TMED10: variants seen among roughly 807,000 people sequenced by gnomAD.
TMED10 encodes transmembrane emp24 domain-containing protein 10.
TMED10 carries 7 observed loss-of-function variants against 23.1 expected under a neutral mutation model. That is an observed-to-expected ratio of 0.30 (90% CI 0.17 to 0.57). The LOEUF (loss-of-function observed/expected upper bound fraction) is 0.57, where lower values mean the gene tolerates loss of function less well. TMED10 is among the 20% of genes least tolerant of loss of function. The probability of loss-of-function intolerance (pLI) is 0.91; values close to 1 mark genes in which losing one functional copy is unlikely to be tolerated. For synonymous variants in TMED10, 113 were observed against 106.9 expected (o/e 1.06, Z -0.35); for missense variants, 162 against 274.8 (o/e 0.59, Z 2.90).
chr14:75,137,202 G>A (rs998843945), intron 3 of TMED10, among the ~76,000 whole-genome samples: 3 of 150,730 alleles, frequency 2.0e-5, no homozygotes, highest in Non-Finnish European at 4.4e-5. Flanking sequence ...AGTCGAGATG[G>A]GGTTTCACCA....
At chr14:75,168,405 C>T (rs1273062587) in intron 1 of TMED10, among the ~76,000 whole-genome samples, 1 of 152,182 alleles carries the variant, frequency 6.6e-6, no homozygotes, top group Non-Finnish European at 1.5e-5. Context: ...TAATTCCTCT[C>T]ATTAAAATAC....
At chr14:75,149,005 C>T (rs1238045365) in intron 2 of TMED10, among the ~76,000 whole-genome samples, 1 of 152,238 alleles carries the variant, frequency 6.6e-6, no homozygotes, top group Non-Finnish European at 1.5e-5. Context: ...TAGCCTCGAA[C>T]TCCTGGGCTC....
chr14:75,156,108 G>A lies in TMED10; in HGVS notation c.226-3965C>T, dbSNP rs375365328. The stretch of plus-strand genomic sequence containing the variant: ...TAAGGAATTTGAAACAGAATGATGT[G>A]AGTCAATGACAATTCAGAAAGATGA... On this transcript the variant is annotated intron_variant, in intron 1 of 4. Coordinates refer to ENST00000303575, the MANE Select transcript of TMED10 (RefSeq NM_006827.6). Among the ~76,000 whole-genome samples, 4 of 152,158 alleles carry A rather than the reference G, an allele frequency of 2.6e-5. No homozygotes were observed. In the East Asian group the frequency reaches 7.7e-4, roughly 29 times the overall value.
Position 75,131,930 on chromosome 14 carries a change from A to T in TMED10, c.*2955T>A, listed in dbSNP as rs1458211928. The T allele has an allele frequency of 6.6e-6, 1 of 152,548 alleles. No individual in the cohort carries two copies. The highest frequency in any genetic ancestry group is 2.4e-5 in the African/African-American group (1 of 41,464). The allele number at this position is 152,548 out of a possible 1,614,324, so 9.4% of individuals were successfully genotyped here. On this transcript the variant is annotated 3_prime_UTR_variant, in exon 5 of 5. Coordinates refer to ENST00000303575, the MANE Select transcript of TMED10 (RefSeq NM_006827.6). ...TTGGGAACAAAAGCATCAACGAAAT[A>T]AAATATTCTCTTCTCCTATCTTCTT...
rs114105267 is a variant in TMED10, at chr14:75,150,149, C to T, written c.337+1883G>A. On this transcript the variant is annotated intron_variant, in intron 2 of 4. Transcript: ENST00000303575. ...TTTGGATAGACTGGAAAGATTAACT[C>T]GAAAGCAAGAGAAATATAAATAAGA... Among the ~76,000 whole-genome samples the T allele has an allele frequency of 1.7e-3, 257 of 152,102 alleles. 1 individual carries two copies. Among genetic ancestry groups the T allele is most frequent in the Middle Eastern group, 0.014 (4 of 294 alleles).
At chr14:75,144,985 T>G (rs1429635044) in intron 3 of TMED10, among the ~76,000 whole-genome samples, 2 of 152,154 alleles carry the variant, frequency 1.3e-5, no homozygotes, top group African/African-American at 4.8e-5. Context: ...TAAGCAAGGT[T>G]CAAGGCAGCC....
At chr14:75,139,882 TAA>T (rs1404756647) in intron 3 of TMED10, among the ~76,000 whole-genome samples, 1 of 152,012 alleles carries the variant, frequency 6.6e-6, no homozygotes, top group East Asian at 1.9e-4. Context: ...TACTCAATAG[TAA>T]AAAACAACAA....
intron 1 of TMED10, among the ~76,000 whole-genome samples, chr14:75,166,234 T>C (rs531474184): frequency 6.6e-6 from 1 of 152,176 alleles, no homozygotes; most frequent in South Asian, 2.1e-4. Context: ...AACAATGAGG[T>C]TGGGAGCACA....
intron 1 of TMED10, among the ~76,000 whole-genome samples, chr14:75,164,192 A>G (rs1371767158): frequency 6.8e-6 from 1 of 147,166 alleles, no homozygotes; most frequent in Non-Finnish European, 1.5e-5. Flanking sequence ...CAGCCTCCAG[A>G]GTAGCTGGGA....
At chr14:75,164,567 A>ATTT (rs1896133904) in intron 1 of TMED10, among the ~76,000 whole-genome samples, 2 of 1,952 alleles carry the variant, frequency 1.0e-3, no homozygotes, top group Non-Finnish European at 2.5e-3. Flanking sequence ...ATATATATAT[A>ATTT]TATATATATA....
chr14:75,132,899 T>C lies in TMED10; in HGVS notation c.*1986A>G, dbSNP rs1345109601. ...CGGAAAGGATAAACTCCTACCTACTTTCTTGGGAGATGTGGGAAAGATTTC... is the reference window on the plus strand; with the variant it reads ...CGGAAAGGATAAACTCCTACCTACTCTCTTGGGAGATGTGGGAAAGATTTC... On this transcript the variant is annotated 3_prime_UTR_variant, in exon 5 of 5. Transcript: ENST00000303575. 6.6e-6 allele frequency: 1 copy of C among 152,466 alleles called. No individual in the cohort carries two copies. The highest frequency in any genetic ancestry group is 1.5e-5 in the Non-Finnish European group (1 of 68,046). 9.4% of individuals were successfully genotyped at this position (152,466 alleles called of 1,614,324 possible).
chr14:75,143,354 T>C (rs1895845959), intron 3 of TMED10, among the ~76,000 whole-genome samples: 1 of 152,144 alleles, frequency 6.6e-6, no homozygotes, highest in Admixed American at 6.6e-5. Flanking sequence ...TCCATTATAA[T>C]GAAGATTTGA....
intron 3 of TMED10, among the ~76,000 whole-genome samples, chr14:75,137,713 T>C (rs1337440999): frequency 2.7e-5 from 4 of 150,718 alleles, no homozygotes; most frequent in East Asian, 3.9e-4. Context: ...TCTTTCTTTT[T>C]TTTTTTTTTT....
At chr14:75,169,531 G>A (rs554672063) in intron 1 of TMED10, among the ~76,000 whole-genome samples, 2 of 152,080 alleles carry the variant, frequency 1.3e-5, no homozygotes, top group Non-Finnish European at 2.9e-5. Flanking sequence ...AGTGGTACGC[G>A]CCTATAATCC....
intron 3 of TMED10, among the ~76,000 whole-genome samples, chr14:75,141,052 G>C (rs1033234834): frequency 1.3e-5 from 2 of 152,018 alleles, no homozygotes; most frequent in African/African-American, 4.8e-5. Context: ...AGGTACCAAG[G>C]TAAGTTATGA....
At chr14:75,153,768 T>G (rs1420470029) in intron 1 of TMED10, among the ~76,000 whole-genome samples, 5 of 114,742 alleles carry the variant, frequency 4.4e-5, no homozygotes, top group Admixed American at 2.1e-4. Flanking sequence ...ACTTTCTATT[T>G]TTTTTTCCCT....
At chr14:75,135,701 G>A (rs1209741335) in intron 4 of TMED10, 59 bp downstream of exon 4, 1 of 1,591,294 alleles carries the variant, frequency 6.3e-7, no homozygotes, top group African/African-American at 1.4e-5. Context: ...AGAATTGAAA[G>A]TTTGGAGACT....
intron 3 of TMED10, among the ~76,000 whole-genome samples, chr14:75,138,657 G>A: frequency 6.6e-6 from 1 of 152,056 alleles, no homozygotes; most frequent in East Asian, 1.9e-4. Context: ...AAAGGAAATG[G>A]CATGATACTT....
At chr14:75,158,118 TG>T (rs1896043373) in intron 1 of TMED10, among the ~76,000 whole-genome samples, 1 of 152,144 alleles carries the variant, frequency 6.6e-6, no homozygotes, top group Non-Finnish European at 1.5e-5. Flanking sequence ...AAATCAGAGT[TG>T]AGAGTCCTCT....
Sources: gnomAD v4.1 joint callset for allele counts (sites outside exome capture counted in the v4.1 genomes callset) on GRCh38, gnomAD v4.1.1 for gene constraint, MANE v1.5 for transcripts, NCBI Gene and HGNC (gene_info 2026-07-23, HGNC 2026-07-21) for gene names.